MTA3: variants seen among roughly 807,000 people sequenced by gnomAD.
MTA3 encodes the protein metastasis-associated protein MTA3.
In MTA3, 34 loss-of-function variants were observed where a neutral mutation model predicts 83.5. The observed-to-expected ratio is 0.41, with a 90% CI of 0.31 to 0.54. The LOEUF (loss-of-function observed/expected upper bound fraction) is 0.54, where lower values mean the gene tolerates loss of function less well. MTA3 is among the 20% of genes least tolerant of loss of function. The pLI, the probability that MTA3 is intolerant of heterozygous loss-of-function variation, is 0.33. For missense variants in MTA3, 761 were observed against 726.4 expected (o/e 1.05, Z -0.55); for synonymous variants, 303 against 252.7 (o/e 1.20, Z -1.89).
At chr2:42,696,813 A>G (rs1370825569) in intron 10 of MTA3, among the ~76,000 whole-genome samples, 1 of 152,226 alleles carries the variant, frequency 6.6e-6, no homozygotes, top group East Asian at 1.9e-4. Flanking sequence ...ATAGATACTC[A>G]TGGCTTGTTG....
At chr2:42,669,083 ATTTTTT>A (rs761988223) in intron 8 of MTA3, among the ~76,000 whole-genome samples, 8 of 130,746 alleles carry the variant, frequency 6.1e-5, no homozygotes, top group African/African-American at 2.0e-4. Context: ...GAAAATACAG[ATTTTTT>A]TTTTTTTTTT....
chr2:42,527,832 A>C (rs957637917), intron 2 of MTA3, among the ~76,000 whole-genome samples: 5 of 151,890 alleles, frequency 3.3e-5, no homozygotes, highest in South Asian at 2.1e-4. Context: ...TTTAAAAAAA[A>C]AAAAACAAAA....
intron 2 of MTA3, among the ~76,000 whole-genome samples, chr2:42,535,616 T>C (rs1231238960): frequency 1.3e-5 from 2 of 152,198 alleles, no homozygotes; most frequent in African/African-American, 4.8e-5. Context: ...AGATGGTATA[T>C]CTAGCTTCTA....
intron 4 of MTA3, among the ~76,000 whole-genome samples, chr2:42,626,798 T>TG (rs934340526): frequency 1.3e-5 from 2 of 152,160 alleles, no homozygotes; most frequent in Non-Finnish European, 2.9e-5. Context: ...TGTAGTATAA[T>TG]GGTGCCACCT....
chr2:42,694,342 T>C (rs73930456), intron 9 of MTA3, among the ~76,000 whole-genome samples: 1,954 of 152,164 alleles, frequency 0.013, 41 homozygotes, highest in African/African-American at 0.044. Context: ...GGAGTTGAAG[T>C]CCTTGTGTAC....
At chr2:42,618,862 C>T (rs773775448) in intron 4 of MTA3, among the ~76,000 whole-genome samples, 10 of 152,144 alleles carry the variant, frequency 6.6e-5, no homozygotes, top group Non-Finnish European at 8.8e-5. Flanking sequence ...CCTCTTGCCT[C>T]GGCCTCCCAA....
intron 16 of MTA3, among the ~76,000 whole-genome samples, chr2:42,746,569 C>A (rs1388601463): frequency 6.6e-6 from 1 of 152,206 alleles, no homozygotes; most frequent in African/African-American, 2.4e-5. Flanking sequence ...CACCCGACTT[C>A]CAGTGGCATT....
intron 4 of MTA3, among the ~76,000 whole-genome samples, chr2:42,618,140 G>A (rs899775988): frequency 6.6e-6 from 1 of 151,952 alleles, no homozygotes; most frequent in Non-Finnish European, 1.5e-5. Flanking sequence ...TGGAGAGAAG[G>A]TCTCACTATG....
At chr2:42,729,114 C>G (rs28775955) in intron 16 of MTA3, among the ~76,000 whole-genome samples, 7 of 74,782 alleles carry the variant, frequency 9.4e-5, no homozygotes, top group Admixed American at 3.2e-4. Context: ...TTTTTTTTTT[C>G]ACAGAGTCAT....
chr2:42,535,911 G>T (rs1486774287), intron 2 of MTA3, among the ~76,000 whole-genome samples: 2 of 66,828 alleles, frequency 3.0e-5, no homozygotes, highest in African/African-American at 1.1e-4. Flanking sequence ...ATGAGCCCAG[G>T]AGTTTGAGAC....
chr2:42,611,017 T>C (rs1684136999), intron 4 of MTA3, among the ~76,000 whole-genome samples: 3 of 150,414 alleles, frequency 2.0e-5, no homozygotes, highest in Non-Finnish European at 4.4e-5. Context: ...AGTCTTGCTC[T>C]GTCACCCAGG....
At chr2:42,508,169 C>T (rs2103660273) in intron 2 of MTA3, among the ~76,000 whole-genome samples, 1 of 152,206 alleles carries the variant, frequency 6.6e-6, no homozygotes, top group East Asian at 1.9e-4. Flanking sequence ...AGTCAAGTCT[C>T]AGTTCAAATG....
chr2:42,506,473 T>A (rs199577814), intron 2 of MTA3, among the ~76,000 whole-genome samples: 5 of 151,762 alleles, frequency 3.3e-5, no homozygotes, highest in East Asian at 1.9e-4. Context: ...ATATATATAT[T>A]TTTTGAGTAA....
chr2:42,548,813 ATATATATATATATAT>A (rs1676884876), intron 2 of MTA3, among the ~76,000 whole-genome samples: 5 of 36,658 alleles, frequency 1.4e-4, no homozygotes, highest in East Asian at 4.6e-4. Flanking sequence ...AAAAAAAAAT[ATATATATATATATAT>A]AATATATATA....
At chr2:42,590,980 T>G (rs1317410689) in intron 3 of MTA3, among the ~76,000 whole-genome samples, 3 of 152,174 alleles carry the variant, frequency 2.0e-5, no homozygotes, top group African/African-American at 7.2e-5. Flanking sequence ...AGGGTATTTT[T>G]CATCGTTTGC....
chr2:42,699,445 T>A (rs1316200535), intron 11 of MTA3, among the ~76,000 whole-genome samples: 1 of 152,170 alleles, frequency 6.6e-6, no homozygotes, highest in African/African-American at 2.4e-5. Context: ...TTTTAAACAA[T>A]GAAGAGTCAT....
chr2:42,680,883 G>A (rs1272518286), intron 8 of MTA3, among the ~76,000 whole-genome samples: 1 of 150,574 alleles, frequency 6.6e-6, no homozygotes, highest in Non-Finnish European at 1.5e-5. Flanking sequence ...CTCCTGAGTA[G>A]CTGGGATTAC....
At chr2:42,645,175 CAAAA>C (rs1224226672) in intron 6 of MTA3, among the ~76,000 whole-genome samples, 3 of 39,864 alleles carry the variant, frequency 7.5e-5, no homozygotes, top group Admixed American at 2.4e-4. Context: ...GACTCTGTCT[CAAAA>C]AAAAAAAAAA....
chr2:42,726,875 TCTA>T (rs770860002), intron 16 of MTA3, among the ~76,000 whole-genome samples: 34 of 152,128 alleles, frequency 2.2e-4, no homozygotes, highest in Non-Finnish European at 4.6e-4. Flanking sequence ...TCTAATAGAA[TCTA>T]AACTCCAAAG....
Sources: gnomAD v4.1 joint callset for allele counts (sites outside exome capture counted in the v4.1 genomes callset) on GRCh38, gnomAD v4.1.1 for gene constraint, MANE v1.5 for transcripts, NCBI Gene and HGNC (gene_info 2026-07-23, HGNC 2026-07-21) for gene names.